The following PTPRK variants were observed in gnomAD, a reference collection of about 807,000 sequenced individuals.
The protein encoded by PTPRK is protein tyrosine phosphatase receptor type K.
In PTPRK, 75 loss-of-function variants were observed where a neutral mutation model predicts 178.0. The ratio of observed to expected loss-of-function variants is 0.42; its 90% CI spans 0.35 to 0.51. The LOEUF (loss-of-function observed/expected upper bound fraction) is 0.51. Among genes scored for constraint, PTPRK ranks in the 20% least tolerant of loss-of-function variants. PTPRK has a pLI of 0.02. For synonymous variants in PTPRK, 637 were observed against 620.6 expected (o/e 1.03, Z -0.39); for missense variants, 1,441 against 1,797.8 (o/e 0.80, Z 3.59).
chr6:128,122,644 T>A (rs1792668003), intron 7 of PTPRK, among the ~76,000 whole-genome samples: 1 of 152,196 alleles, frequency 6.6e-6, no homozygotes, highest in African/African-American at 2.4e-5. Context: ...GGAGGAAATT[T>A]ACCAGCTGTA....
rs1374203084 is a variant in PTPRK, at chr6:128,067,574, A to C, written c.2102T>G (p.Leu701Trp). Residue 701 changes from leucine (L) to tryptophan (W), a missense_variant, in exon 12 of 30, where the codon TTG becomes TGG. By Grantham distance (61) the Leu-to-Trp change is moderately conservative (BLOSUM62 -2). This residue lies in a region of PTPRK where 945 missense variants were observed against 1,080.6 expected (regional missense o/e 0.87). Coordinates refer to ENST00000368226, the MANE Select transcript of PTPRK (RefSeq NM_002844.4). Reference sequence around the variant, plus strand: ...GATGTTGTATCCTTTGCGCGGAGCCAAAGGAGGGTTCCAAAAGCCTTGGTA... The same window carrying C: ...GATGTTGTATCCTTTGCGCGGAGCCCAAGGAGGGTTCCAAAAGCCTTGGTA... ...RTYQGFWNPP[L>W]APRKGYNIYF... The C allele has an allele frequency of 5.0e-6, 8 of 1,611,970 alleles. No individual in the cohort carries two copies. Among genetic ancestry groups the C allele is most frequent in the Non-Finnish European group, 6.8e-6 (8 of 1,178,598 alleles).
chr6:128,494,278 C>T (rs928766049), intron 1 of PTPRK, among the ~76,000 whole-genome samples: 3 of 150,576 alleles, frequency 2.0e-5, no homozygotes, highest in African/African-American at 7.3e-5. Flanking sequence ...GATAAGATTA[C>T]GTGTTATGCT....
chr6:128,143,707 C>T (rs1796096267), intron 7 of PTPRK, among the ~76,000 whole-genome samples: 1 of 152,156 alleles, frequency 6.6e-6, no homozygotes, highest in Admixed American at 6.6e-5. Context: ...CCCCTGTCCT[C>T]ACTTCACTCT....
chr6:128,113,857 T>C (rs1791065760), intron 7 of PTPRK, among the ~76,000 whole-genome samples: 2 of 152,292 alleles, frequency 1.3e-5, no homozygotes, highest in South Asian at 2.1e-4. Flanking sequence ...GACACATGTA[T>C]ACATAAGTGC....
At chr6:128,514,476 G>A (rs1448861377) in intron 1 of PTPRK, among the ~76,000 whole-genome samples, 2 of 151,534 alleles carry the variant, frequency 1.3e-5, no homozygotes, top group African/African-American at 2.4e-5. Context: ...ACTCCACTAC[G>A]CACTATTTTA....
At chr6:128,316,803 C>T (rs575122889) in intron 3 of PTPRK, among the ~76,000 whole-genome samples, 75 of 151,338 alleles carry the variant, frequency 5.0e-4, no homozygotes, top group African/African-American at 1.7e-3. Flanking sequence ...CTGCAACCTC[C>T]GCCTCCTGGT....
In PTPRK at chr6:128,464,646, T is replaced by C. The variant is rs1413018376; in HGVS notation, c.100+55613A>G. Among the ~76,000 whole-genome samples the C allele has an allele frequency of 1.1e-3, 96 of 90,974 alleles. 3 individuals carry two copies. The highest frequency in any genetic ancestry group is 7.6e-4 in the Non-Finnish European group (36 of 47,228). The allele number at this position is 90,974 out of a possible 152,430, so 59.7% of individuals were successfully genotyped here. A position where few individuals can be genotyped will look rare whatever the true frequency, so the allele number is the denominator to read the frequency against. On this transcript the variant is annotated intron_variant, in intron 1 of 29. Coordinates refer to ENST00000368226, the MANE Select transcript of PTPRK (RefSeq NM_002844.4). ...ATATATATATATATACACATATATA[T>C]ATATATATATATATATATATATATA...
At chr6:128,058,625 G>T (rs1780300326) in intron 13 of PTPRK, among the ~76,000 whole-genome samples, 1 of 151,912 alleles carries the variant, frequency 6.6e-6, no homozygotes, top group South Asian at 2.1e-4. Flanking sequence ...TCTTTTGACA[G>T]GAAAGAGGTC....
At chr6:128,518,236 A>G (rs1231967714) in intron 1 of PTPRK, among the ~76,000 whole-genome samples, 1 of 152,190 alleles carries the variant, frequency 6.6e-6, no homozygotes, top group Non-Finnish European at 1.5e-5. Context: ...ATCATGTCAA[A>G]TGTTATGCTT....
At chr6:127,992,934 A>G (rs1262183502) in intron 18 of PTPRK, among the ~76,000 whole-genome samples, 2 of 151,760 alleles carry the variant, frequency 1.3e-5, no homozygotes, top group Non-Finnish European at 3.0e-5. Context: ...TATATATTGT[A>G]TAATTGATTT....
intron 1 of PTPRK, among the ~76,000 whole-genome samples, chr6:128,507,459 C>T (rs1017247249): frequency 3.3e-5 from 5 of 152,138 alleles, no homozygotes; most frequent in African/African-American, 9.7e-5. Context: ...TAAATAACTA[C>T]TGTTGTCCCC....
At chr6:128,217,591 T>C (rs1809570975) in intron 6 of PTPRK, among the ~76,000 whole-genome samples, 1 of 152,178 alleles carries the variant, frequency 6.6e-6, no homozygotes, top group Non-Finnish European at 1.5e-5. Context: ...GGTTAAAGTA[T>C]TAAAAACAAG....
At chr6:128,047,989 C>A (rs1778354198) in intron 13 of PTPRK, among the ~76,000 whole-genome samples, 1 of 151,990 alleles carries the variant, frequency 6.6e-6, no homozygotes, top group African/African-American at 2.4e-5. Flanking sequence ...AAAACAATGC[C>A]CCTAGGTAAA....
intron 1 of PTPRK, among the ~76,000 whole-genome samples, chr6:128,493,348 G>T (rs1030579409): frequency 5.3e-5 from 8 of 152,192 alleles, no homozygotes; most frequent in African/African-American, 1.9e-4. Context: ...TGATCACGAG[G>T]TCAGGAGATC....
chr6:128,154,457 T>C (rs1373239683), intron 7 of PTPRK, among the ~76,000 whole-genome samples: 2 of 151,784 alleles, frequency 1.3e-5, no homozygotes, highest in Non-Finnish European at 1.5e-5. Flanking sequence ...TTAATGATGG[T>C]AAACTACCAT....
chr6:128,177,363 C>T (rs1801226800), intron 7 of PTPRK, among the ~76,000 whole-genome samples: 1 of 151,778 alleles, frequency 6.6e-6, no homozygotes, highest in East Asian at 1.9e-4. Context: ...TTTCATGAGA[C>T]TGATGCTGTT....
At position 128,083,823 on chromosome 6, in the gene PTPRK, C is replaced by CA; in HGVS notation, c.1466dup (p.Pro490AlafsTer15). The CA allele has an allele frequency of 6.6e-7, 1 of 1,520,442 alleles. No homozygotes were observed. The highest frequency in any genetic ancestry group is 2.4e-5 in the East Asian group (1 of 41,812). 94.2% of individuals were successfully genotyped at this position (1,520,442 alleles called of 1,614,324 possible). On this transcript the variant is annotated frameshift_variant and splice_region_variant, in exon 9 of 30. Coordinates refer to ENST00000368226, the MANE Select transcript of PTPRK (RefSeq NM_002844.4). LOFTEE classifies it high-confidence loss of function. ...GAGATTTTACTGGTACGGGACCAGGCACTACAAAACACATGAATTTTTTGT... is the reference window on the plus strand; with the variant it reads ...GAGATTTTACTGGTACGGGACCAGGCAACTACAAAACACATGAATTTTTTGT...
intron 2 of PTPRK, among the ~76,000 whole-genome samples, chr6:128,361,977 A>G (rs76659078): frequency 0.016 from 2,454 of 152,276 alleles, 62 homozygotes; most frequent in African/African-American, 0.055. Context: ...GATTTGCACT[A>G]ATATAAATTT....
At chr6:128,021,232 C>T (rs1260237401) in intron 13 of PTPRK, among the ~76,000 whole-genome samples, 1 of 152,158 alleles carries the variant, frequency 6.6e-6, no homozygotes, top group East Asian at 1.9e-4. Flanking sequence ...AAGTATCTAA[C>T]AAACACACCC....
Sources: gnomAD v4.1 joint callset for allele counts (sites outside exome capture counted in the v4.1 genomes callset) on GRCh38, gnomAD v4.1.1 for gene constraint, gnomAD v4.1.1 regional missense constraint, MANE v1.5 for transcripts, NCBI Gene and HGNC (gene_info 2026-07-23, HGNC 2026-07-21) for gene names.